Variants in ABCD2 observed in about 807,000 individuals in gnomAD.
ABCD2 encodes the protein ATP-binding cassette sub-family D member 2.
A neutral mutation model predicts 70.9 loss-of-function variants in ABCD2; 36 were observed. The ratio of observed to expected loss-of-function variants is 0.51; its 90% CI spans 0.39 to 0.67. The LOEUF (loss-of-function observed/expected upper bound fraction) is 0.67. Among genes scored for constraint, ABCD2 ranks in the 30% least tolerant of loss-of-function variants. The pLI, the probability that ABCD2 is intolerant of heterozygous loss-of-function variation, is 0.00. For missense variants in ABCD2, 729 were observed against 890.2 expected, an observed-to-expected ratio of 0.82 and a Z score of 2.30; for synonymous variants, 304 against 306.9, an observed-to-expected ratio of 0.99 and a Z score of 0.10.
At chr12:39,566,086 TTC>T (rs1304884294) in intron 9 of ABCD2, among the ~76,000 whole-genome samples, 10 of 152,218 alleles carry the variant, frequency 6.6e-5, no homozygotes, top group African/African-American at 2.4e-4. Context: ...TGGTCTAAAA[TTC>T]TCTTTTTTTG....
Position 39,600,571 on chromosome 12 carries a change from C to A in ABCD2, c.1646G>T (p.Arg549Met). Residue 549 changes from arginine to methionine, a missense_variant and splice_region_variant, in exon 6 of 10, where the codon AGG becomes ATG. Coordinates refer to ENST00000308666, the MANE Select transcript of ABCD2 (RefSeq NM_005164.4). ...PPQHMFYIPQ[R>M]PYMSLGSLRD... ...TTGTAATATAAAAAGATATACCTACCTTTGTGGAATATAAAACATATGTTG... is the reference window on the plus strand; with the variant it reads ...TTGTAATATAAAAAGATATACCTACATTTGTGGAATATAAAACATATGTTG... The A allele has an allele frequency of 1.3e-6, 2 of 1,579,064 alleles. No homozygotes were observed. The highest frequency in any genetic ancestry group is 1.7e-6 in the Non-Finnish European group (2 of 1,164,930).
At chr12:39,595,361 A>G (rs1417425861) in intron 6 of ABCD2, among the ~76,000 whole-genome samples, 2 of 152,202 alleles carry the variant, frequency 1.3e-5, no homozygotes, top group Non-Finnish European at 2.9e-5. Flanking sequence ...ATATAACGCT[A>G]AGTAAAGTAT....
Position 39,619,172 on chromosome 12 carries a change from G to A in ABCD2, c.444C>T (p.Ile148=). The part of the protein sequence containing the change: ...KKPRTFIIKL[I]KWLMIAIPAT... Reference sequence around the variant, plus strand: ...CAGGGATGGCAATCATAAGCCACTTGATTAATTTGATGATGAAAGTCCGAG... The same window carrying A: ...CAGGGATGGCAATCATAAGCCACTTAATTAATTTGATGATGAAAGTCCGAG... Residue 148 remains isoleucine, a synonymous_variant, in exon 1 of 10, where the codon ATC becomes ATT. Transcript: ENST00000308666. The A allele has an allele frequency of 1.2e-6, 2 of 1,614,170 alleles. No homozygotes were observed. The highest frequency in any genetic ancestry group is 2.2e-5 in the South Asian group (2 of 91,066).
chr12:39,556,347 G>A (rs1297150857), intron 9 of ABCD2, among the ~76,000 whole-genome samples: 1 of 152,206 alleles, frequency 6.6e-6, no homozygotes, highest in Admixed American at 6.5e-5. Context: ...TAAGCCCCAT[G>A]TGTCAAGGAA....
At chr12:39,535,393 A>G in the ABCD2 span, among the ~76,000 whole-genome samples, 1 of 152,222 alleles carries the variant, frequency 6.6e-6, no homozygotes, top group South Asian at 2.1e-4. Flanking sequence ...TGTTATTTTA[A>G]AAGTTTTCTG....
Position 39,619,605 on chromosome 12 carries a change from A to T in ABCD2, c.11T>A (p.Met4Lys). Reference protein sequence around the residue: MTHMLNAAADRVKW... With the variant: MTHKLNAAADRVKW... ...CACTCGATCAGCTGCTGCATTTAGC[A>T]TATGTGTCATTTTCCCAGTTACCCA... Residue 4 changes from methionine to lysine, a missense_variant, in exon 1 of 10, where the codon ATG becomes AAG. By Grantham distance (95) the Met-to-Lys change is moderately conservative. This residue lies in a region of ABCD2 where 245 missense variants were observed against 261.2 expected (regional missense o/e 0.94). Coordinates refer to ENST00000308666, the MANE Select transcript of ABCD2 (RefSeq NM_005164.4). 1 of 1,604,626 alleles carries T rather than the reference A, an allele frequency of 6.2e-7. No homozygotes were observed. The highest frequency in any genetic ancestry group is 1.7e-4 in the Middle Eastern group (1 of 6,038).
chr12:39,616,207 A>G (rs1168429629), intron 2 of ABCD2, among the ~76,000 whole-genome samples: 2 of 152,196 alleles, frequency 1.3e-5, no homozygotes, highest in African/African-American at 2.4e-5. Context: ...GGAAAAGAGT[A>G]GAAAATACTT....
At chr12:39,588,774 T>C (rs1007226384) in intron 6 of ABCD2, among the ~76,000 whole-genome samples, 2 of 149,308 alleles carry the variant, frequency 1.3e-5, no homozygotes, top group African/African-American at 4.9e-5. Context: ...AAAAAAGCAA[T>C]AGTCTGGCAT....
chr12:39,572,114 T>C (rs1188839347), intron 9 of ABCD2, among the ~76,000 whole-genome samples: 1 of 152,206 alleles, frequency 6.6e-6, no homozygotes, highest in African/African-American at 2.4e-5. Flanking sequence ...GTTATTTACT[T>C]AAAAAGAATA....
At chr12:39,554,699 A>G (rs543379822) in intron 9 of ABCD2, among the ~76,000 whole-genome samples, 118 of 152,308 alleles carry the variant, frequency 7.7e-4, no homozygotes, top group African/African-American at 2.8e-3. Context: ...TCTCTTTCTT[A>G]TGGCTCAGTT....
chr12:39,590,327 G>A (rs1388863719), intron 6 of ABCD2, among the ~76,000 whole-genome samples: 1 of 152,102 alleles, frequency 6.6e-6, no homozygotes, highest in Non-Finnish European at 1.5e-5. Flanking sequence ...TCATTACAAA[G>A]GAGATCATGC....
the ABCD2 span, among the ~76,000 whole-genome samples, chr12:39,533,091 G>A: frequency 2.0e-5 from 3 of 152,066 alleles, no homozygotes; most frequent in African/African-American, 7.2e-5. Context: ...CTTGAACCTG[G>A]GAAGCGGAGA....
the ABCD2 span, among the ~76,000 whole-genome samples, chr12:39,540,723 C>T: frequency 3.9e-5 from 6 of 152,228 alleles, no homozygotes; most frequent in Non-Finnish European, 2.9e-5. Context: ...TTTCTATGAT[C>T]CCAGGTCTTT....
chr12:39,568,419 G>A (rs535984692), intron 9 of ABCD2, among the ~76,000 whole-genome samples: 11 of 152,120 alleles, frequency 7.2e-5, no homozygotes, highest in Admixed American at 5.2e-4. Context: ...TGATTGAATC[G>A]GCTACTGAGG....
the ABCD2 span, among the ~76,000 whole-genome samples, chr12:39,536,194 T>C: frequency 2.0e-5 from 3 of 152,274 alleles, no homozygotes; most frequent in African/African-American, 4.8e-5. Flanking sequence ...TTCACACATA[T>C]ACACAGAGGC....
At chr12:39,545,998 T>C (rs1417884082), downstream of ABCD2, among the ~76,000 whole-genome samples, 1 of 152,184 alleles carries the variant, frequency 6.6e-6, no homozygotes, top group Non-Finnish European at 1.5e-5. Context: ...TTAGAAGAAA[T>C]GTTTGTAAAA....
the ABCD2 span, among the ~76,000 whole-genome samples, chr12:39,541,473 A>G: frequency 6.6e-6 from 1 of 152,248 alleles, no homozygotes; most frequent in Non-Finnish European, 1.5e-5. Context: ...GACCTGAAGC[A>G]CAGAAAGTGT....
At chr12:39,547,018 T>C (rs1941031904), downstream of ABCD2, among the ~76,000 whole-genome samples, 1 of 152,068 alleles carries the variant, frequency 6.6e-6, no homozygotes, top group Non-Finnish European at 1.5e-5. Flanking sequence ...AAAAATTTTT[T>C]TTTCAGGCTA....
intron 2 of ABCD2, 48 bp from the exon 3 acceptor site, chr12:39,607,762 T>C (rs1453081193): frequency 7.8e-7 from 1 of 1,281,360 alleles, no homozygotes; most frequent in African/African-American, 1.5e-5. Flanking sequence ...TTTTTTTTTT[T>C]TTTAGTAACT....
Sources: gnomAD v4.1 joint callset for allele counts (sites outside exome capture counted in the v4.1 genomes callset) on GRCh38, gnomAD v4.1.1 for gene constraint, gnomAD v4.1.1 regional missense constraint, MANE v1.5 for transcripts, NCBI Gene and HGNC (gene_info 2026-07-23, HGNC 2026-07-21) for gene names.